LPAR3: variants seen among roughly 807,000 people sequenced by gnomAD.
LPAR3 encodes the protein LPA receptor 3.
In LPAR3, 7 loss-of-function variants were observed where a neutral mutation model predicts 17.8. The observed-to-expected ratio is 0.39, with a 90% CI of 0.22 to 0.74. The LOEUF (loss-of-function observed/expected upper bound fraction) is 0.74. LPAR3 is among the 30% of genes least tolerant of loss of function. The probability of loss-of-function intolerance (pLI) is 0.40; values close to 1 mark genes in which losing one functional copy is unlikely to be tolerated. For synonymous variants in LPAR3, 179 were observed against 179.9 expected (o/e 0.99, Z 0.04); for missense variants, 391 against 453.4 (o/e 0.86, Z 1.25).
chr1:84,820,180 C>T (rs1317886340), intron 2 of LPAR3, among the ~76,000 whole-genome samples: 1 of 152,134 alleles, frequency 6.6e-6, no homozygotes, highest in African/African-American at 2.4e-5. Flanking sequence ...GCCTGACTTC[C>T]CCATGCAAAC....
intron 2 of LPAR3, among the ~76,000 whole-genome samples, chr1:84,829,684 A>G (rs944071939): frequency 1.3e-5 from 2 of 152,148 alleles, no homozygotes; most frequent in African/African-American, 4.8e-5. Flanking sequence ...AATGTACTAT[A>G]ATGACGAAAA....
At chr1:84,889,876 A>C (rs886222459) in intron 1 of LPAR3, among the ~76,000 whole-genome samples, 1 of 152,146 alleles carries the variant, frequency 6.6e-6, no homozygotes, top group Non-Finnish European at 1.5e-5. Context: ...AGTTAATGGA[A>C]CTCATTAACA....
chr1:84,865,421 G>T lies in LPAR3; in HGVS notation c.700C>A (p.Pro234Thr), dbSNP rs1660021111. ...TSGSISRRRTPMKLMKTVMTV... is the reference protein window; with the variant it reads ...TSGSISRRRTTMKLMKTVMTV... ...ATCACCGTCTTCATTAGCTTCATGG[G>T]TGTCCTCCGGCGGCTGATGGACCCA... is the stretch of plus-strand genomic sequence containing the variant. Residue 234 changes from proline to threonine, a missense_variant, in exon 2 of 3, where the codon CCC becomes ACC. Coordinates refer to ENST00000370611, the MANE Select transcript of LPAR3 (RefSeq NM_012152.3). The T allele has an allele frequency of 4.3e-6, 7 of 1,613,866 alleles. 1 individual carries two copies. The highest frequency in any genetic ancestry group is 4.5e-5 in the East Asian group (2 of 44,888).
chr1:84,814,181 G>C lies in LPAR3; in HGVS notation c.737-10C>G. The C allele has an allele frequency of 6.2e-7, 1 of 1,610,614 alleles. No homozygotes were observed. The highest frequency in any genetic ancestry group is 1.7e-5 in the Admixed American group (1 of 59,988). ...CATACCACAAACGCCCCTGCAAGGA[G>C]AGAAGAGGAGGCAACAGATGCTCAG... On this transcript the variant is annotated splice_polypyrimidine_tract_variant and intron_variant, in intron 2 of 2. Transcript: ENST00000370611.
chr1:84,843,305 T>C (rs552902612), intron 2 of LPAR3, among the ~76,000 whole-genome samples: 1 of 152,378 alleles, frequency 6.6e-6, no homozygotes, highest in Admixed American at 6.5e-5. Context: ...TAGTGTACTA[T>C]TCTTAGACAT....
chr1:84,881,418 T>C (rs1660362821), intron 1 of LPAR3, among the ~76,000 whole-genome samples: 1 of 152,212 alleles, frequency 6.6e-6, no homozygotes, highest in Non-Finnish European at 1.5e-5. Flanking sequence ...ATTATTTCTA[T>C]AGTGCTTAAG....
At chr1:84,891,454 G>A (rs1660550467) in intron 1 of LPAR3, among the ~76,000 whole-genome samples, 2 of 152,146 alleles carry the variant, frequency 1.3e-5, no homozygotes, top group Non-Finnish European at 1.5e-5. Flanking sequence ...GGGTTTGCTC[G>A]CTCGTCTTTT....
At chr1:84,882,169 T>C (rs1660377844) in intron 1 of LPAR3, among the ~76,000 whole-genome samples, 1 of 152,194 alleles carries the variant, frequency 6.6e-6, no homozygotes, top group Admixed American at 6.5e-5. Flanking sequence ...CAAAAATCAG[T>C]TGCATTTATT....
At chr1:84,890,267 T>C (rs1660529730) in intron 1 of LPAR3, among the ~76,000 whole-genome samples, 1 of 152,146 alleles carries the variant, frequency 6.6e-6, no homozygotes, top group Admixed American at 6.5e-5. Context: ...AGAAAGCAAG[T>C]AAGAAAAGTG....
chr1:84,884,614 T>C (rs1268205475), intron 1 of LPAR3, among the ~76,000 whole-genome samples: 1 of 152,186 alleles, frequency 6.6e-6, no homozygotes, highest in Non-Finnish European at 1.5e-5. Context: ...AGAAACTCAG[T>C]TTACCTCTAC....
intron 2 of LPAR3, among the ~76,000 whole-genome samples, chr1:84,858,166 C>G (rs1659863637): frequency 6.6e-6 from 1 of 152,078 alleles, no homozygotes; most frequent in Non-Finnish European, 1.5e-5. Context: ...GAGACCTCGG[C>G]TTCTCATATT....
At chr1:84,872,095 T>C (rs1293067869) in intron 1 of LPAR3, among the ~76,000 whole-genome samples, 1 of 152,204 alleles carries the variant, frequency 6.6e-6, no homozygotes, top group Admixed American at 6.5e-5. Flanking sequence ...TTGATGAAGT[T>C]ATGCTTAGGA....
chr1:84,819,252 G>A (rs963328006), intron 2 of LPAR3, among the ~76,000 whole-genome samples: 4 of 152,206 alleles, frequency 2.6e-5, no homozygotes, highest in Non-Finnish European at 5.9e-5. Flanking sequence ...CCTCTCTTGA[G>A]AATAGCAGAG....
At chr1:84,876,340 G>C (rs1192612479) in intron 1 of LPAR3, among the ~76,000 whole-genome samples, 1 of 152,074 alleles carries the variant, frequency 6.6e-6, no homozygotes. Context: ...GTATCCTACA[G>C]GGCTGGCCCT....
chr1:84,829,734 T>C (rs528951505), intron 2 of LPAR3, among the ~76,000 whole-genome samples: 7 of 152,016 alleles, frequency 4.6e-5, no homozygotes, highest in African/African-American at 1.4e-4. Context: ...TCTTTGGAAA[T>C]GTTTTCTTAA....
chr1:84,817,700 CT>C (rs1169615179), intron 2 of LPAR3, among the ~76,000 whole-genome samples: 1 of 151,806 alleles, frequency 6.6e-6, no homozygotes, highest in African/African-American at 2.4e-5. Context: ...ATTTTTATTT[CT>C]CTTCTGACAC....
intron 1 of LPAR3, among the ~76,000 whole-genome samples, chr1:84,882,601 G>C (rs1463623944): frequency 6.6e-6 from 1 of 152,202 alleles, no homozygotes; most frequent in Non-Finnish European, 1.5e-5. Flanking sequence ...ACAAAGCTAT[G>C]TATGGTAGTA....
rs552750049 is a variant in LPAR3, at chr1:84,840,904, C to T, written c.736+24481G>A. On this transcript the variant is annotated intron_variant, in intron 2 of 2. Transcript: ENST00000370611. Reference sequence around the variant, plus strand: ...TGCTCAAAGATTACTGGAATAGAAACCCCATTTCCTGAAAACAGTGGCCGG... The same window carrying T: ...TGCTCAAAGATTACTGGAATAGAAATCCCATTTCCTGAAAACAGTGGCCGG... 1.2e-3 allele frequency among the ~76,000 whole-genome samples: 184 copies of T among 152,302 alleles called. 3 individuals are homozygous for T. The highest frequency in any genetic ancestry group is 1.9e-3 in the Non-Finnish European group (128 of 68,028).
At chr1:84,855,920 T>C (rs952148907) in intron 2 of LPAR3, among the ~76,000 whole-genome samples, 1 of 152,112 alleles carries the variant, frequency 6.6e-6, no homozygotes, top group Non-Finnish European at 1.5e-5. Flanking sequence ...AAGATGGCAT[T>C]TGAACAAGTG....
Sources: gnomAD v4.1 joint callset for allele counts (sites outside exome capture counted in the v4.1 genomes callset) on GRCh38, gnomAD v4.1.1 for gene constraint, MANE v1.5 for transcripts, NCBI Gene and HGNC (gene_info 2026-07-23, HGNC 2026-07-21) for gene names.